EEF2K: variants seen among roughly 807,000 people sequenced by gnomAD.
EEF2K encodes eukaryotic elongation factor 2 kinase, also known as alternative protein EEF2K.
In EEF2K, 70 loss-of-function variants were observed where a neutral mutation model predicts 93.8. That is an observed-to-expected ratio of 0.75 (90% CI 0.62 to 0.91). The LOEUF (loss-of-function observed/expected upper bound fraction) is 0.91. EEF2K is among the 40% of genes least tolerant of loss of function. EEF2K has a pLI of 0.00. For synonymous variants in EEF2K, 376 were observed against 380.8 expected (o/e 0.99, Z 0.15); for missense variants, 935 against 972.9 (o/e 0.96, Z 0.52).
chr16:22,251,973 C>A lies in EEF2K; in HGVS notation c.618+651C>A, dbSNP rs571519365. 2.0e-3 allele frequency among the ~76,000 whole-genome samples: 301 copies of A among 151,166 alleles called. 1 individual carries two copies. The highest frequency in any genetic ancestry group is 7.1e-3 in the African/African-American group (291 of 41,170). The stretch of plus-strand genomic sequence containing the variant: ...CATGCCTAGCTAATTTTTGTATTTT[C>A]TGTAGAGAAAGGGTTTTGCCATGTT... On this transcript the variant is annotated intron_variant, in intron 6 of 17. Coordinates refer to ENST00000263026, the MANE Select transcript of EEF2K (RefSeq NM_013302.5).
chr16:22,248,664 TG>T, intron 3 of EEF2K, 90 bp from the exon 4 acceptor site: 1 of 1,511,412 alleles, frequency 6.6e-7, no homozygotes, highest in African/African-American at 1.4e-5. Flanking sequence ...CTGAGGTCAG[TG>T]GGGAGCCCAG....
intron 3 of EEF2K, among the ~76,000 whole-genome samples, chr16:22,247,305 G>A (rs185599275): frequency 7.2e-5 from 11 of 151,878 alleles, no homozygotes; most frequent in Non-Finnish European, 1.2e-4. Context: ...AATTAGCTGG[G>A]TATGGTGGCA....
chr16:22,247,445 C>CAAA (rs376610133), intron 3 of EEF2K, among the ~76,000 whole-genome samples: 6,048 of 139,208 alleles, frequency 0.043, 152 homozygotes, highest in Non-Finnish European at 0.063. Flanking sequence ...GATTCTGTGT[C>CAAA]AAAAAAAAAA....
At chr16:22,239,698 C>G (rs929975848) in intron 2 of EEF2K, among the ~76,000 whole-genome samples, 2 of 152,148 alleles carry the variant, frequency 1.3e-5, no homozygotes, top group Non-Finnish European at 2.9e-5. Flanking sequence ...GTCATCCCAG[C>G]TATTCGGGAA....
chr16:22,226,612 C>T (rs189196652), intron 2 of EEF2K, among the ~76,000 whole-genome samples: 1 of 148,424 alleles, frequency 6.7e-6, no homozygotes, highest in African/African-American at 2.5e-5. Flanking sequence ...AATTCCTAGG[C>T]TCAAGCAAGC....
At chr16:22,240,748 A>G (rs753984306) in intron 2 of EEF2K, among the ~76,000 whole-genome samples, 3 of 152,034 alleles carry the variant, frequency 2.0e-5, no homozygotes, top group Non-Finnish European at 2.9e-5. Context: ...GTGTGGTCCA[A>G]TTGCTCTTTC....
chr16:22,260,543 G>T lies in EEF2K; in HGVS notation c.1299+14G>T. ...GACAACCACCGGGTGAGTGTGAAGGGAGGGAGGCTGCAGGCTTCAGACCCC... is the reference window on the plus strand; with the variant it reads ...GACAACCACCGGGTGAGTGTGAAGGTAGGGAGGCTGCAGGCTTCAGACCCC... On this transcript the variant is annotated intron_variant, in intron 11 of 17. Coordinates refer to ENST00000263026, the MANE Select transcript of EEF2K (RefSeq NM_013302.5). 2 of 1,614,120 alleles carry T rather than the reference G, an allele frequency of 1.2e-6. No individual in the cohort carries two copies. Among genetic ancestry groups the T allele is most frequent in the Non-Finnish European group, 1.7e-6 (2 of 1,180,028 alleles).
chr16:22,242,602 A>G (rs1037848572), intron 2 of EEF2K, among the ~76,000 whole-genome samples: 2 of 151,618 alleles, frequency 1.3e-5, no homozygotes, highest in African/African-American at 4.9e-5. Flanking sequence ...GTGAGCCACC[A>G]TGCCTGGCTA....
intron 17 of EEF2K, among the ~76,000 whole-genome samples, chr16:22,281,822 T>C (rs939382719): frequency 9.9e-5 from 15 of 152,244 alleles, no homozygotes; most frequent in African/African-American, 3.4e-4. Flanking sequence ...TTCCTTCTTA[T>C]TACTACATAA....
chr16:22,257,215 G>A (rs766477239), intron 7 of EEF2K, 38 bp from the exon 8 acceptor site: 1 of 1,613,930 alleles, frequency 6.2e-7, no homozygotes, highest in Non-Finnish European at 8.5e-7. Context: ...ACCTCAGCCT[G>A]TCTCTTGACA....
Position 22,286,483 on chromosome 16 carries a change from G to A in EEF2K, c.*2487G>A, listed in dbSNP as rs1484802098. The A allele has an allele frequency of 6.6e-6, 1 of 152,210 alleles. No homozygotes were observed. The highest frequency in any genetic ancestry group is 1.5e-5 in the Non-Finnish European group (1 of 68,044). The allele number at this position is 152,210 out of a possible 1,614,324, so 9.4% of individuals were successfully genotyped here. A position where few individuals can be genotyped will look rare whatever the true frequency, so the allele number is the denominator to read the frequency against. On this transcript the variant is annotated 3_prime_UTR_variant, in exon 18 of 18. Coordinates refer to ENST00000263026, the MANE Select transcript of EEF2K (RefSeq NM_013302.5). ...AGGAATTGGCAAACTTTTTTGTAAA[G>A]GGGTAGAAAGTGAAGATTTTAGGCT... is the stretch of plus-strand genomic sequence containing the variant.
intron 17 of EEF2K, among the ~76,000 whole-genome samples, chr16:22,280,995 G>A (rs918630812): frequency 6.6e-6 from 1 of 151,340 alleles, no homozygotes; most frequent in Admixed American, 6.6e-5. Flanking sequence ...GGCTGGAGTG[G>A]GCCATCTCTG....
chr16:22,225,561 C>T (rs776229850), intron 1 of EEF2K, 93 bp from the exon 2 acceptor site: 1 of 1,031,932 alleles, frequency 9.7e-7, no homozygotes, highest in Non-Finnish European at 1.4e-6. Context: ...GGTGCCAGCT[C>T]CTGCGATAGC....
chr16:22,285,119 G>A lies in EEF2K; in HGVS notation c.*1123G>A, dbSNP rs1216893397. The A allele has an allele frequency of 2.0e-5, 3 of 152,530 alleles. No individual in the cohort carries two copies. Among genetic ancestry groups the A allele is most frequent in the Non-Finnish European group, 4.4e-5 (3 of 68,030 alleles). The allele number at this position is 152,530 out of a possible 1,614,324, so 9.4% of individuals were successfully genotyped here. On this transcript the variant is annotated 3_prime_UTR_variant, in exon 18 of 18. Coordinates refer to ENST00000263026, the MANE Select transcript of EEF2K (RefSeq NM_013302.5). ...AGGGTGCACCTCAAAGCTTTTACAC[G>A]TAAGGACAGCGGCTTGGAATGTGAG...
chr16:22,242,173 A>T (rs139262776), intron 2 of EEF2K, among the ~76,000 whole-genome samples: 26 of 152,136 alleles, frequency 1.7e-4, no homozygotes, highest in Non-Finnish European at 3.2e-4. Context: ...AAACCCAAAA[A>T]CAAAAGAAAG....
rs1236652034 is a variant in EEF2K, at chr16:22,264,818, G to A, written c.1378G>A (p.Gly460Ser). The A allele has an allele frequency of 6.2e-7, 1 of 1,613,886 alleles. No homozygotes were observed. The highest frequency in any genetic ancestry group is 1.7e-5 in the Admixed American group (1 of 60,002). ...CAGTGTAATTTCTTCCTCCGTTCAG[G>A]GCCACTCATACAGTAATCGGAAGTA... ...ELDDPEPREH[G>S]HSYSNRKYES... The change falls in exon 13 of 18, where the codon GGC becomes AGC. Residue 460 changes from glycine to serine, a missense_variant and splice_region_variant. Gly to Ser is a moderately conservative substitution (Grantham distance 56, BLOSUM62 0). Coordinates refer to ENST00000263026, the MANE Select transcript of EEF2K (RefSeq NM_013302.5).
Position 22,273,691 on chromosome 16 carries a change from G to T in EEF2K, c.1830G>T (p.Arg610Ser). ...TAAAGGCCGCTGAAGCTGGCGACAG[G>T]CAGTCCATGATCCTAGTGGCGCGAG... ...YLLKAAEAGDRQSMILVARAF... is the reference protein window; with the variant it reads ...YLLKAAEAGDSQSMILVARAF... Residue 610 changes from arginine to serine, a missense_variant, in exon 16 of 18, where the codon AGG (arginine) becomes AGT (serine). Arg to Ser is a moderately radical substitution (Grantham distance 110, BLOSUM62 -1). Coordinates refer to ENST00000263026, the MANE Select transcript of EEF2K (RefSeq NM_013302.5). The T allele has an allele frequency of 6.2e-7, 1 of 1,614,148 alleles. No individual in the cohort carries two copies. Among genetic ancestry groups the T allele is most frequent in the Non-Finnish European group, 8.5e-7 (1 of 1,180,028 alleles).
At chr16:22,262,704 A>G (rs2047477477) in intron 11 of EEF2K, among the ~76,000 whole-genome samples, 1 of 152,170 alleles carries the variant, frequency 6.6e-6, no homozygotes, top group Non-Finnish European at 1.5e-5. Flanking sequence ...CATTTCACCC[A>G]CACAGCCCTT....
intron 17 of EEF2K, among the ~76,000 whole-genome samples, chr16:22,283,608 G>A (rs2047719877): frequency 6.6e-6 from 1 of 152,126 alleles, no homozygotes; most frequent in African/African-American, 2.4e-5. Context: ...CAAACCAACA[G>A]TAGTTGTTTA....
Sources: gnomAD v4.1 joint callset for allele counts (sites outside exome capture counted in the v4.1 genomes callset) on GRCh38, gnomAD v4.1.1 for gene constraint, MANE v1.5 for transcripts, NCBI Gene and HGNC (gene_info 2026-07-23, HGNC 2026-07-21) for gene names.